Variants in STK3 observed in about 807,000 individuals in gnomAD.
STK3 encodes the protein serine/threonine kinase 3.
In STK3, 41 loss-of-function variants were observed where a neutral mutation model predicts 58.0. That is an observed-to-expected ratio of 0.71 (90% CI 0.55 to 0.92). The LOEUF is 0.92. STK3 is among the 40% of genes least tolerant of loss of function. STK3 has a pLI of 0.00. For missense variants in STK3, 479 were observed against 602.7 expected (o/e 0.79, Z 2.15); for synonymous variants, 170 against 191.0 (o/e 0.89, Z 0.91).
Position 98,530,473 on chromosome 8 carries a change from G to A in STK3, c.1142-3556C>T, listed in dbSNP as rs770440819. Among the ~76,000 whole-genome samples the A allele has an allele frequency of 1.1e-4, 17 of 152,112 alleles. 1 individual carries two copies. The highest frequency in any genetic ancestry group is 2.1e-4 in the Non-Finnish European group (14 of 68,026). ...GAAAGATGGCTGACAAGAGAGGCCT[G>A]GTGCTAGTCCACTCTCAACAAAAAA... On this transcript the variant is annotated intron_variant, in intron 9 of 10. Coordinates refer to ENST00000419617, the MANE Select transcript of STK3 (RefSeq NM_006281.4).
chr8:98,688,796 T>A (rs1824194737), intron 6 of STK3, among the ~76,000 whole-genome samples: 1 of 152,104 alleles, frequency 6.6e-6, no homozygotes, highest in Admixed American at 6.5e-5. Context: ...AAGTTTAGAA[T>A]GCTAAATGCC....
intron 6 of STK3, chr8:98,633,478 A>T: frequency 1.6e-6 from 1 of 609,232 alleles, no homozygotes; most frequent in South Asian, 1.8e-5. Context: ...ATCCAGAAGA[A>T]GGTAGAACGA....
At chr8:98,580,707 G>A (rs2131732315) in intron 7 of STK3, among the ~76,000 whole-genome samples, 1 of 152,270 alleles carries the variant, frequency 6.6e-6, no homozygotes, top group East Asian at 1.9e-4. Context: ...TGACCTCCTG[G>A]GCTCAAGTGA....
intron 6 of STK3, among the ~76,000 whole-genome samples, chr8:98,647,462 T>C (rs1351145286): frequency 6.6e-6 from 1 of 152,238 alleles, no homozygotes; most frequent in African/African-American, 2.4e-5. Flanking sequence ...TAGAAAGGTA[T>C]CTGGCAGAGT....
At chr8:98,384,765 A>G (rs953833552) in intron 1 of STK3, among the ~76,000 whole-genome samples, 1 of 152,130 alleles carries the variant, frequency 6.6e-6, no homozygotes, top group Non-Finnish European at 1.5e-5. Context: ...TGCCACTTGC[A>G]CTATCATTCT....
chr8:98,627,489 GAAAAA>G (rs1033157038), intron 6 of STK3, among the ~76,000 whole-genome samples: 7 of 56,040 alleles, frequency 1.2e-4, no homozygotes, highest in African/African-American at 4.0e-4. Context: ...ACTAAAAAAA[GAAAAA>G]AGAAAAAAAA....
intron 10 of STK3, among the ~76,000 whole-genome samples, chr8:98,506,436 C>A (rs989873319): frequency 6.6e-6 from 1 of 152,198 alleles, no homozygotes; most frequent in Non-Finnish European, 1.5e-5. Context: ...GTGAGATGAA[C>A]CAGGTACCTC....
At chr8:98,853,145 C>T (rs563512253) in intron 3 of STK3, among the ~76,000 whole-genome samples, 1 of 152,134 alleles carries the variant, frequency 6.6e-6, no homozygotes, top group East Asian at 1.9e-4. Flanking sequence ...CACTCTCACG[C>T]TTAAAAGAAT....
At position 98,541,702 on chromosome 8, in the gene STK3, C is replaced by T. The variant is rs147176543; in HGVS notation, c.1141+6267G>A. Among the ~76,000 whole-genome samples, 110 of 152,294 alleles carry T rather than the reference C, an allele frequency of 7.2e-4. No individual in the cohort carries two copies. In the Middle Eastern group the frequency reaches 0.01, roughly 14 times the overall value. On this transcript the variant is annotated intron_variant, in intron 9 of 10. Transcript: ENST00000419617. ...TAACAGGACCACCAGCTAGGTCACA[C>T]TACATAGTGTCTACAAGGGTATCAT...
Position 98,754,257 on chromosome 8 carries a change from CA to C in STK3, c.237-4868del, listed in dbSNP as rs373399577. Among the ~76,000 whole-genome samples, 79 of 145,296 alleles carry C rather than the reference CA, an allele frequency of 5.4e-4. 1 individual carries two copies. The highest frequency in any genetic ancestry group is 3.4e-3 in the East Asian group (17 of 4,998). On this transcript the variant is annotated intron_variant, in intron 3 of 10. Coordinates refer to ENST00000419617, the MANE Select transcript of STK3 (RefSeq NM_006281.4). Reference sequence around the variant, plus strand: ...ACTTAGAACTGCAACATATGAGAAACAAAAAAAAAAATTCTTTACATGTACT... The same window carrying C: ...ACTTAGAACTGCAACATATGAGAAACAAAAAAAAAATTCTTTACATGTACT...
chr8:98,432,162 G>T (rs1818344030), intron 3 of STK3: 1 of 166,990 alleles, frequency 6.0e-6, no homozygotes, highest in Admixed American at 6.5e-5. Flanking sequence ...AGTCCCTGAA[G>T]CTAACCAGGG....
intron 8 of STK3, among the ~76,000 whole-genome samples, chr8:98,565,140 A>G (rs1035286152): frequency 6.6e-6 from 1 of 152,170 alleles, no homozygotes; most frequent in Admixed American, 6.6e-5. Context: ...TACAACCCAT[A>G]AGTCAGTGGT....
At chr8:98,535,825 G>A (rs1224690519) in intron 9 of STK3, among the ~76,000 whole-genome samples, 1 of 152,086 alleles carries the variant, frequency 6.6e-6, no homozygotes, top group East Asian at 1.9e-4. Flanking sequence ...GAACAGAGTG[G>A]GGGAAATTTT....
At chr8:98,931,871 A>G (rs1176119321) in intron 1 of STK3, among the ~76,000 whole-genome samples, 1 of 152,252 alleles carries the variant, frequency 6.6e-6, no homozygotes, top group African/African-American at 2.4e-5. Context: ...GCCTTCACTA[A>G]TGAATGGTCC....
chr8:98,585,273 T>A (rs1435019934), intron 7 of STK3, among the ~76,000 whole-genome samples: 1 of 152,242 alleles, frequency 6.6e-6, no homozygotes, highest in South Asian at 2.1e-4. Flanking sequence ...AATTTTTGTA[T>A]AAGGTGTAAG....
chr8:98,838,183 C>A (rs956977537), intron 3 of STK3, among the ~76,000 whole-genome samples: 3 of 151,802 alleles, frequency 2.0e-5, no homozygotes, highest in Non-Finnish European at 2.9e-5. Context: ...GCAGAGGTTG[C>A]AGTGGGCCAA....
chr8:98,903,045 C>T (rs138492803), intron 1 of STK3, among the ~76,000 whole-genome samples: 6 of 152,256 alleles, frequency 3.9e-5, no homozygotes, highest in Middle Eastern at 3.4e-3. Context: ...TGGCTTCTAC[C>T]GCCTCTTTAG....
intron 1 of STK3, among the ~76,000 whole-genome samples, chr8:98,816,328 A>G (rs1440098734): frequency 6.6e-6 from 1 of 152,178 alleles, no homozygotes; most frequent in Admixed American, 6.5e-5. Flanking sequence ...AGCCTAAGCA[A>G]CATGGCAAGA....
At chr8:98,414,131 G>A (rs887034427) in intron 3 of STK3, among the ~76,000 whole-genome samples, 2 of 152,126 alleles carry the variant, frequency 1.3e-5, no homozygotes, top group Non-Finnish European at 2.9e-5. Context: ...AGGCATAGTG[G>A]TGCATGCCTG....
Sources: allele counts gnomAD v4.1 joint callset (sites outside exome capture counted in the v4.1 genomes callset), GRCh38; gene constraint gnomAD v4.1.1; transcripts MANE v1.5; gene names NCBI Gene and HGNC (gene_info 2026-07-23, HGNC 2026-07-21).